COL17A1: variants seen among roughly 807,000 people sequenced by gnomAD.
COL17A1 encodes the protein collagen alpha-1(XVII) chain.
Under a neutral mutation model 218.4 loss-of-function variants are expected in COL17A1, and 181 were observed. That is an observed-to-expected ratio of 0.83 (90% confidence interval 0.73 to 0.94). The LOEUF is 0.94. COL17A1 is among the 40% of genes least tolerant of loss of function. The probability of loss-of-function intolerance (pLI) is 0.00; values close to 1 mark genes in which losing one functional copy is unlikely to be tolerated. For missense variants in COL17A1, 1,924 were observed against 1,945.9 expected (o/e 0.99, Z 0.21); for synonymous variants, 721 against 731.0 (o/e 0.99, Z 0.22).
rs374885524 is a variant in COL17A1 at position 104,034,673 on chromosome 10, A to T, written c.3714T>A (p.Tyr1238Ter). 6.2e-7 allele frequency: 1 copy of T among 1,610,430 alleles called. No individual in the cohort carries two copies. The highest frequency in any genetic ancestry group is 1.7e-5 in the Admixed American group (1 of 59,504). ...GGAAGCTGTCGCTGTTTTCAGCTGC[A>T]TAGGTTGCCAGGGCTCCTGAGACAC... is the stretch of plus-strand genomic sequence containing the variant. ...PPGVSGALATYAAENSDSFRS... is the reference protein window; with the variant it reads ...PPGVSGALAT The change falls in exon 51 of 56, where the codon TAT becomes TAA. Residue 1238 changes from tyrosine (Y) to a stop codon, truncating the protein, a stop_gained. Transcript: ENST00000648076. LOFTEE classifies it high-confidence loss of function.
In COL17A1 at chr10:104,054,243, T is replaced by A. The variant is rs796847657; in HGVS notation, c.1745-125A>T. 23 of 871,874 alleles carry A rather than the reference T, an allele frequency of 2.6e-5. No individual in the cohort carries two copies. In the African/African-American group the frequency reaches 3.2e-4, roughly 12 times the overall value. The allele number at this position is 871,874 out of a possible 1,614,324, so 54.0% of individuals were successfully genotyped here. A position where few individuals can be genotyped will look rare whatever the true frequency, so the allele number is the denominator to read the frequency against. On this transcript the variant is annotated intron_variant, in intron 20 of 55. Coordinates refer to ENST00000648076, the MANE Select transcript of COL17A1 (RefSeq NM_000494.4). Reference sequence around the variant, plus strand: ...GGAAATAAAAATGCAGATGTCCAGTTACATTTGAATTGCAGATAAACAACA... The same window carrying A: ...GGAAATAAAAATGCAGATGTCCAGTAACATTTGAATTGCAGATAAACAACA...
At position 104,041,351 on chromosome 10, in the gene COL17A1, A is replaced by C. The variant is rs1413261250; in HGVS notation, c.2606-7T>G. On this transcript the variant is annotated splice_region_variant and splice_polypyrimidine_tract_variant and intron_variant, in intron 37 of 55. Coordinates refer to ENST00000648076, the MANE Select transcript of COL17A1 (RefSeq NM_000494.4). ...GGGCCTGGAATGGAAGGCCCTGCAG[A>C]AGAGAGCAAGGAAGAGGCCATGCTG... is the stretch of plus-strand genomic sequence containing the variant. 2 of 1,610,432 alleles carry C rather than the reference A, an allele frequency of 1.2e-6. No homozygotes were observed. The highest frequency in any genetic ancestry group is 2.2e-5 in the South Asian group (2 of 90,620).
intron 26 of COL17A1, 28 bp from the exon 27 acceptor site, chr10:104,050,684 A>T: frequency 6.2e-7 from 1 of 1,614,146 alleles, no homozygotes; most frequent in Non-Finnish European, 8.5e-7. Context: ...ACCTTGGTGT[A>T]AAATGCCCTA....
chr10:104,054,305 T>G (rs1255752087), intron 20 of COL17A1, among the ~76,000 whole-genome samples, 187 bp from the exon 21 acceptor site: 1 of 152,372 alleles, frequency 6.6e-6, no homozygotes, highest in African/African-American at 2.4e-5. Context: ...ATGAAATATT[T>G]GGGACAAGTT....
In COL17A1 at chr10:104,064,451, G is replaced by A. The variant is rs1382962130; in HGVS notation, c.753C>T (p.Tyr251=). 6.2e-7 allele frequency: 1 copy of A among 1,614,080 alleles called. No individual in the cohort carries two copies. The highest frequency in any genetic ancestry group is 8.5e-7 in the Non-Finnish European group (1 of 1,180,044). The change falls in exon 10 of 56, where the codon TAC becomes TAT. Residue 251 remains tyrosine, a synonymous_variant. Transcript: ENST00000648076. The stretch of plus-strand genomic sequence containing the variant: ...CCCGCCAGGTACCTGATCCCGCAGA[G>A]TAGGCATTGGTGTTGAGGAGGGATG... ...QSSSLLNTNA[Y]SAGSVFGVPN...
At chr10:104,081,040 G>A (rs1158137228) in intron 1 of COL17A1, among the ~76,000 whole-genome samples, 1 of 152,084 alleles carries the variant, frequency 6.6e-6, no homozygotes, top group Non-Finnish European at 1.5e-5. Flanking sequence ...ATAGCTGAAG[G>A]GGATCTGTCA....
chr10:104,038,550 C>T, intron 44 of COL17A1, 22 bp from the exon 45 acceptor site: 1 of 1,608,018 alleles, frequency 6.2e-7, no homozygotes, highest in East Asian at 2.2e-5. Flanking sequence ...AGAAAGCGTC[C>T]TGTGTCGGTT....
At chr10:104,063,601 G>T in intron 11 of COL17A1, 146 bp downstream of exon 11, 1 of 1,305,030 alleles carries the variant, frequency 7.7e-7, no homozygotes, top group Non-Finnish European at 1.1e-6. Flanking sequence ...TCTCCCTGTG[G>T]TTGAAGGCAG....
At chr10:104,036,183 A>AGT (rs1225132334) in intron 48 of COL17A1, among the ~76,000 whole-genome samples, 5 of 138 alleles carry the variant, frequency 0.036, no homozygotes, top group Non-Finnish European at 0.043. Context: ...TGTGTATGGA[A>AGT]GTGAGTGTGT....
rs781525403 is a variant in COL17A1 at position 104,036,647 on chromosome 10, A to T, written c.3278-15T>A. On this transcript the variant is annotated splice_polypyrimidine_tract_variant and intron_variant, in intron 47 of 55. Transcript: ENST00000648076. ...CACGTCATCCCCTGGAGAGGAGAGG[A>T]TGCACTAGCAGGACCCACCCAGGCC... The T allele has an allele frequency of 1.9e-5, 30 of 1,612,838 alleles. No homozygotes were observed. The highest frequency in any genetic ancestry group is 2.5e-5 in the Non-Finnish European group (30 of 1,179,766).
At chr10:104,040,214 C>A in intron 40 of COL17A1, 137 bp downstream of exon 40, 1 of 914,456 alleles carries the variant, frequency 1.1e-6, no homozygotes. Flanking sequence ...CTCCAGGCTG[C>A]TGAGTTCCTA....
rs1449069307 is a variant in COL17A1, at chr10:104,057,069, GGGGCACCAGGCTGGCGCT to G, written c.1353_1370del (p.Ala452_Pro457del). On this transcript the variant is annotated inframe_deletion, in exon 17 of 56. Transcript: ENST00000648076. ...TCCACCAGCTGCAGCAGGAGCCGCA[GGGGCACCAGGCTGGCGCT>G]GGTCCCCAAGGGCCGCCGCCAGCGC... The G allele has an allele frequency of 1.1e-5, 18 of 1,611,148 alleles. No homozygotes were observed. In the African/African-American group the frequency reaches 2.0e-4, roughly 18 times the overall value.
Position 104,034,101 on chromosome 10 carries a change from T to G in COL17A1, c.4000A>C (p.Arg1334=). ...CCGATGTCAGTGCCATAGGGACCCC[T>G]GTCTCCTGCAGCTTCACCAAAGGCA... ...GGAFGEAAGD[R]GPYGTDIGPG... The change falls in exon 52 of 56, where the codon AGG becomes CGG. Residue 1334 remains arginine (R), a synonymous_variant. Coordinates refer to ENST00000648076, the MANE Select transcript of COL17A1 (RefSeq NM_000494.4). The G allele has an allele frequency of 6.2e-7, 1 of 1,614,100 alleles. No homozygotes were observed. Among genetic ancestry groups the G allele is most frequent in the Non-Finnish European group, 8.5e-7 (1 of 1,180,006 alleles).
At chr10:104,059,496 C>G in intron 15 of COL17A1, 142 bp downstream of exon 15, 1 of 761,528 alleles carries the variant, frequency 1.3e-6, no homozygotes, top group Non-Finnish European at 2.4e-6. Context: ...GGGCTGGGAT[C>G]CTGCTTTTAT....
intron 1 of COL17A1, among the ~76,000 whole-genome samples, chr10:104,085,174 T>C (rs1273763088): frequency 6.6e-6 from 1 of 152,224 alleles, no homozygotes; most frequent in East Asian, 1.9e-4. Flanking sequence ...TACTTTTCTT[T>C]AGATTAGAGG....
intron 20 of COL17A1, 82 bp from the exon 21 acceptor site, chr10:104,054,200 G>A (rs1278212515): frequency 1.4e-6 from 2 of 1,459,710 alleles, no homozygotes; most frequent in Non-Finnish European, 1.9e-6. Flanking sequence ...TGGGATTCAG[G>A]TAGGGTTGCC....
chr10:104,041,348 C>T lies in COL17A1; in HGVS notation c.2606-4G>A. 6.2e-7 allele frequency: 1 copy of T among 1,610,564 alleles called. No individual in the cohort carries two copies. Among genetic ancestry groups the T allele is most frequent in the Non-Finnish European group, 8.5e-7 (1 of 1,178,544 alleles). Reference sequence around the variant, plus strand: ...GGTGGGCCTGGAATGGAAGGCCCTGCAGAAGAGAGCAAGGAAGAGGCCATG... The same window carrying T: ...GGTGGGCCTGGAATGGAAGGCCCTGTAGAAGAGAGCAAGGAAGAGGCCATG... On this transcript the variant is annotated splice_region_variant and splice_polypyrimidine_tract_variant and intron_variant, in intron 37 of 55. Coordinates refer to ENST00000648076, the MANE Select transcript of COL17A1 (RefSeq NM_000494.4).
In COL17A1 at chr10:104,034,701, G is replaced by A. The variant is rs576782298; in HGVS notation, c.3686C>T (p.Pro1229Leu). The A allele has an allele frequency of 2.0e-5, 32 of 1,610,368 alleles. No individual in the cohort carries two copies. The Admixed American group carries it at 2.0e-4, about 10-fold the overall frequency. Reference sequence around the variant, plus strand: ...GGTTGCCAGGGCTCCTGAGACACCCGGGGGCCCTCGAGGCCCTGGGGGACC... The same window carrying A: ...GGTTGCCAGGGCTCCTGAGACACCCAGGGGCCCTCGAGGCCCTGGGGGACC... ...PPGPPGPRGP[P>L]GVSGALATYA... The change falls in exon 51 of 56, where the codon CCG becomes CTG. Residue 1229 changes from proline (P) to leucine (L), a missense_variant. Coordinates refer to ENST00000648076, the MANE Select transcript of COL17A1 (RefSeq NM_000494.4).
Position 104,056,023 on chromosome 10 carries a change from A to G in COL17A1, c.1466-20T>C, listed in dbSNP as rs1937675117. On this transcript the variant is annotated intron_variant, in intron 17 of 55. Coordinates refer to ENST00000648076, the MANE Select transcript of COL17A1 (RefSeq NM_000494.4). ...CCTCCGCTGCAACAAACAGACACAC[A>G]CTGCGTCACTGAGGGCCCGGTCCTT... 2 of 1,613,624 alleles carry G rather than the reference A, an allele frequency of 1.2e-6. No individual in the cohort carries two copies.
Sources: allele counts gnomAD v4.1 joint callset (sites outside exome capture counted in the v4.1 genomes callset), GRCh38; gene constraint gnomAD v4.1.1; transcripts MANE v1.5; gene names NCBI Gene and HGNC (gene_info 2026-07-23, HGNC 2026-07-21).